IGF1R: variants seen among roughly 807,000 people sequenced by gnomAD.
The protein encoded by IGF1R is insulin-like growth factor 1 receptor.
In IGF1R, 44 loss-of-function variants were observed where a neutral mutation model predicts 144.6. That is an observed-to-expected ratio of 0.30 (90% CI 0.24 to 0.39). The LOEUF (loss-of-function observed/expected upper bound fraction) is 0.39. Among genes scored for constraint, IGF1R ranks in the 10% least tolerant of loss-of-function variants. IGF1R has a pLI of 1.00. For missense variants in IGF1R, 1,355 were observed against 1,833.7 expected (o/e 0.74, Z 4.77); for synonymous variants, 795 against 722.8 (o/e 1.10, Z -1.60).
chr15:98,697,063 G>C (rs1370761608), intron 1 of IGF1R, among the ~76,000 whole-genome samples: 2 of 152,180 alleles, frequency 1.3e-5, no homozygotes, highest in Non-Finnish European at 2.9e-5. Flanking sequence ...AAATGCAGAA[G>C]TTGTAGCAGA....
intron 1 of IGF1R, among the ~76,000 whole-genome samples, chr15:98,674,278 A>G (rs2052973678): frequency 6.6e-6 from 1 of 152,220 alleles, no homozygotes; most frequent in Admixed American, 6.5e-5. Flanking sequence ...AGAAACTGTT[A>G]GCTCCATGAA....
At chr15:98,727,570 C>G (rs544139130) in intron 2 of IGF1R, among the ~76,000 whole-genome samples, 23 of 151,492 alleles carry the variant, frequency 1.5e-4, no homozygotes, top group Non-Finnish European at 2.8e-4. Context: ...GGTGTCTCTG[C>G]AAGGCCTTGC....
chr15:98,741,440 C>A lies in IGF1R; in HGVS notation c.640+33333C>A, dbSNP rs1003870373. Reference sequence around the variant, plus strand: ...TGCCTGATTTGTGCTTTTTCTTCTTCAGCAGGTAGTGGGAGGCTGTGTATT... The same window carrying A: ...TGCCTGATTTGTGCTTTTTCTTCTTAAGCAGGTAGTGGGAGGCTGTGTATT... On this transcript the variant is annotated intron_variant, in intron 2 of 20. Transcript: ENST00000650285. Among the ~76,000 whole-genome samples the A allele has an allele frequency of 9.2e-5, 14 of 152,116 alleles. No homozygotes were observed. In the East Asian group the frequency reaches 1.9e-3, roughly 21 times the overall value.
At chr15:98,782,039 T>A (rs1246282377) in intron 2 of IGF1R, among the ~76,000 whole-genome samples, 2 of 152,142 alleles carry the variant, frequency 1.3e-5, no homozygotes, top group Non-Finnish European at 2.9e-5. Context: ...TGTTGCCCTG[T>A]CTGCTTGTGA....
At chr15:98,838,073 CTTTA>C (rs1567154390) in intron 2 of IGF1R, among the ~76,000 whole-genome samples, 1 of 152,080 alleles carries the variant, frequency 6.6e-6, no homozygotes, top group African/African-American at 2.4e-5. Flanking sequence ...TACTAACAGA[CTTTA>C]TTTAGTAGAG....
chr15:98,960,883 GCGCCGAGGCTCGTGGCGTCACGCCCCCCC>G lies in IGF1R; in HGVS notation c.*3446_*3474del, dbSNP rs2017197932. 1 of 233,790 alleles carries G rather than the reference GCGCCGAGGCTCGTGGCGTCACGCCCCCCC, an allele frequency of 4.3e-6. No individual in the cohort carries two copies. Among genetic ancestry groups the G allele is most frequent in the South Asian group, 1.8e-4 (1 of 5,534 alleles). 14.5% of individuals were successfully genotyped at this position (233,790 alleles called of 1,614,324 possible). A position where few individuals can be genotyped will look rare whatever the true frequency, so the allele number is the denominator to read the frequency against. On this transcript the variant is annotated 3_prime_UTR_variant, in exon 21 of 21. Transcript: ENST00000650285. ...TTCCGGCTGGAAAGCCCAGTGGCCGGCGCCGAGGCTCGTGGCGTCACGCCCCCCCCGCCAGGGCTGTACCTCCGTCTCCC... is the reference window on the plus strand; with the variant it reads ...TTCCGGCTGGAAAGCCCAGTGGCCGGCGCCAGGGCTGTACCTCCGTCTCCC...
At chr15:98,888,606 A>T (rs2013757656) in intron 2 of IGF1R, among the ~76,000 whole-genome samples, 1 of 152,190 alleles carries the variant, frequency 6.6e-6, no homozygotes, top group Non-Finnish European at 1.5e-5. Flanking sequence ...AGAGATGGGT[A>T]ACTCCTTATT....
chr15:98,666,663 C>T (rs1191970169), intron 1 of IGF1R, among the ~76,000 whole-genome samples: 1 of 152,100 alleles, frequency 6.6e-6, no homozygotes, highest in Non-Finnish European at 1.5e-5. Flanking sequence ...AATTGTTACC[C>T]TTACGTGAGC....
chr15:98,656,825 G>T (rs2052497612), intron 1 of IGF1R, among the ~76,000 whole-genome samples: 1 of 152,142 alleles, frequency 6.6e-6, no homozygotes, highest in Non-Finnish European at 1.5e-5. Flanking sequence ...TCCAAATTCT[G>T]CGAGTTTGAA....
At chr15:98,855,476 C>A (rs944704842) in intron 2 of IGF1R, among the ~76,000 whole-genome samples, 2 of 152,216 alleles carry the variant, frequency 1.3e-5, no homozygotes, top group African/African-American at 4.8e-5. Context: ...GAGATGTTAT[C>A]TATGCTATAG....
In IGF1R at chr15:98,747,030, C is replaced by G. The variant is rs145713866; in HGVS notation, c.640+38923C>G. 2.0e-3 allele frequency among the ~76,000 whole-genome samples: 312 copies of G among 152,286 alleles called. 1 individual carries two copies. Among genetic ancestry groups the G allele is most frequent in the African/African-American group, 7.0e-3 (292 of 41,552 alleles). On this transcript the variant is annotated intron_variant, in intron 2 of 20. Coordinates refer to ENST00000650285, the MANE Select transcript of IGF1R (RefSeq NM_000875.5). ...CGTGGATCGCTGTGATTAATTGTTT[C>G]AAGCTATCAGTTATTTAACTCTCTA...
At chr15:98,733,250 G>C (rs2054535648) in intron 2 of IGF1R, among the ~76,000 whole-genome samples, 1 of 152,122 alleles carries the variant, frequency 6.6e-6, no homozygotes, top group African/African-American at 2.4e-5. Context: ...GTCTTGCTCT[G>C]TTGCCCAGGC....
intron 2 of IGF1R, among the ~76,000 whole-genome samples, chr15:98,805,893 G>T (rs1221471425): frequency 6.6e-6 from 1 of 152,104 alleles, no homozygotes; most frequent in Non-Finnish European, 1.5e-5. Flanking sequence ...ACAATTCAGT[G>T]CAGTTCTGAC....
At chr15:98,665,349 T>C (rs974628808) in intron 1 of IGF1R, among the ~76,000 whole-genome samples, 1 of 152,218 alleles carries the variant, frequency 6.6e-6, no homozygotes, top group Non-Finnish European at 1.5e-5. Context: ...CCCTCCTGAC[T>C]CTGCATCTGC....
At chr15:98,840,576 A>C (rs945309656) in intron 2 of IGF1R, among the ~76,000 whole-genome samples, 2 of 152,134 alleles carry the variant, frequency 1.3e-5, no homozygotes, top group African/African-American at 4.8e-5. Flanking sequence ...CAGCCTCCCA[A>C]GTGGCTGGGG....
chr15:98,951,837 A>C (rs1037399495), intron 20 of IGF1R, among the ~76,000 whole-genome samples: 2 of 152,250 alleles, frequency 1.3e-5, no homozygotes, highest in Non-Finnish European at 2.9e-5. Flanking sequence ...CTGTGGGCCC[A>C]TACGACCTTG....
chr15:98,652,934 C>CTTTT (rs5814887), intron 1 of IGF1R, among the ~76,000 whole-genome samples: 1 of 143,300 alleles, frequency 7.0e-6, no homozygotes, highest in African/African-American at 2.6e-5. Flanking sequence ...TCAATAAACC[C>CTTTT]TTTTTTTTTT....
At position 98,935,266 on chromosome 15, in the gene IGF1R, A is replaced by G. The variant is rs2151708385; in HGVS notation, c.3187-50A>G. 2.6e-6 allele frequency: 3 copies of G among 1,158,164 alleles called. No individual in the cohort carries two copies. In the East Asian group the frequency reaches 8.7e-5, roughly 33 times the overall value. 71.7% of individuals were successfully genotyped at this position (1,158,164 alleles called of 1,614,324 possible). The stretch of plus-strand genomic sequence containing the variant: ...GACAGTTCCAGACAACACAGGCATC[A>G]GCAAGGGCCACCTGACCCTCTGAGT... On this transcript the variant is annotated intron_variant, in intron 16 of 20. Transcript: ENST00000650285. The surrounding 1 kb of genome is among the most constrained non-coding windows in gnomAD (Gnocchi z 4.2).
At chr15:98,726,332 A>T (rs1218850273) in intron 2 of IGF1R, among the ~76,000 whole-genome samples, 1 of 152,184 alleles carries the variant, frequency 6.6e-6, no homozygotes, top group Non-Finnish European at 1.5e-5. Flanking sequence ...CTGCTGCTGA[A>T]CACACACCCA....
Sources: gnomAD v4.1 joint callset for allele counts (sites outside exome capture counted in the v4.1 genomes callset) on GRCh38, gnomAD v4.1.1 for gene constraint, Gnocchi (gnomAD v3.1) non-coding constraint, MANE v1.5 for transcripts, NCBI Gene and HGNC (gene_info 2026-07-23, HGNC 2026-07-21) for gene names.